Variants in PCDH9 observed in about 807,000 individuals in gnomAD.
The protein encoded by PCDH9 is protocadherin 9.
Under a neutral mutation model 70.6 loss-of-function variants are expected in PCDH9, and 24 were observed. The ratio of observed to expected loss-of-function variants is 0.34; its 90% CI spans 0.25 to 0.48. PCDH9 has a LOEUF of 0.48. Among genes scored for constraint, PCDH9 ranks in the 20% least tolerant of loss-of-function variants. The pLI, the probability that PCDH9 is intolerant of heterozygous loss-of-function variation, is 0.99. For missense variants in PCDH9, 1,281 were observed against 1,503.6 expected, an observed-to-expected ratio of 0.85 and a Z score of 2.45; for synonymous variants, 562 against 558.5, an observed-to-expected ratio of 1.01 and a Z score of -0.09.
At chr13:67,059,608 A>G (rs2085496926) in intron 2 of PCDH9, among the ~76,000 whole-genome samples, 1 of 151,478 alleles carries the variant, frequency 6.6e-6, no homozygotes, top group African/African-American at 2.4e-5. Context: ...CCAGGCACAT[A>G]CGGCTCAAGT....
At chr13:66,759,031 A>C (rs1372338594) in intron 3 of PCDH9, among the ~76,000 whole-genome samples, 1 of 151,868 alleles carries the variant, frequency 6.6e-6, no homozygotes, top group Non-Finnish European at 1.5e-5. Context: ...AGTGTAGTTA[A>C]AGATTTGTCA....
chr13:66,648,611 C>CA (rs1217118032), intron 3 of PCDH9, among the ~76,000 whole-genome samples: 1 of 152,102 alleles, frequency 6.6e-6, no homozygotes, highest in Non-Finnish European at 1.5e-5. Context: ...GATGGGTACA[C>CA]AAAAGCCCAG....
intron 3 of PCDH9, among the ~76,000 whole-genome samples, chr13:66,852,247 A>T (rs1331668542): frequency 1.3e-5 from 2 of 152,082 alleles, no homozygotes; most frequent in Non-Finnish European, 2.9e-5. Context: ...GACAGTGATG[A>T]TAATGATAAT....
At chr13:66,618,742 G>T (rs1031639881) in intron 4 of PCDH9, among the ~76,000 whole-genome samples, 3 of 151,964 alleles carry the variant, frequency 2.0e-5, no homozygotes, top group African/African-American at 7.3e-5. Flanking sequence ...TATAAACACG[G>T]ATATACAAAT....
intron 4 of PCDH9, among the ~76,000 whole-genome samples, chr13:66,442,817 T>C (rs2138405857): frequency 6.6e-6 from 1 of 152,290 alleles, no homozygotes; most frequent in Non-Finnish European, 1.5e-5. Context: ...CATCATAATA[T>C]TTTCTCCAGG....
intron 2 of PCDH9, among the ~76,000 whole-genome samples, chr13:66,905,414 G>C (rs938000554): frequency 6.6e-6 from 1 of 152,130 alleles, no homozygotes; most frequent in Admixed American, 6.6e-5. Flanking sequence ...CACCTGGGGA[G>C]ATTTTTAAAA....
intron 4 of PCDH9, among the ~76,000 whole-genome samples, chr13:66,394,792 T>A (rs1027811992): frequency 1.3e-5 from 2 of 152,140 alleles, no homozygotes; most frequent in African/African-American, 4.8e-5. Flanking sequence ...ACACAAGCTA[T>A]TTTTTAAAAT....
At chr13:66,570,762 A>G (rs185481759) in intron 4 of PCDH9, among the ~76,000 whole-genome samples, 1 of 152,280 alleles carries the variant, frequency 6.6e-6, no homozygotes, top group African/African-American at 2.4e-5. Flanking sequence ...GGTTGAAGAC[A>G]ACAGAATCCA....
intron 2 of PCDH9, among the ~76,000 whole-genome samples, chr13:67,072,854 C>T (rs1325452489): frequency 2.0e-5 from 3 of 152,110 alleles, no homozygotes; most frequent in East Asian, 1.9e-4. Flanking sequence ...ATATGTATTA[C>T]ATTAGAAATA....
chr13:66,456,881 T>G (rs1007815138), intron 4 of PCDH9, among the ~76,000 whole-genome samples: 1 of 152,136 alleles, frequency 6.6e-6, no homozygotes, highest in Non-Finnish European at 1.5e-5. Flanking sequence ...GCCATGGGCT[T>G]TGTTAAACCT....
At chr13:66,444,999 AT>A (rs1958043537) in intron 4 of PCDH9, among the ~76,000 whole-genome samples, 1 of 146,846 alleles carries the variant, frequency 6.8e-6, no homozygotes, top group East Asian at 2.0e-4. Flanking sequence ...ATATTAGCAT[AT>A]TAGAAAAATT....
At chr13:66,336,135 C>T (rs1415420344) in intron 4 of PCDH9, among the ~76,000 whole-genome samples, 2 of 152,078 alleles carry the variant, frequency 1.3e-5, no homozygotes, top group African/African-American at 4.8e-5. Context: ...GGAATCCACT[C>T]CCTATGCACA....
At chr13:66,364,064 A>G (rs1235046495) in intron 4 of PCDH9, among the ~76,000 whole-genome samples, 1 of 152,122 alleles carries the variant, frequency 6.6e-6, no homozygotes, top group East Asian at 1.9e-4. Context: ...CTGAGGCAGG[A>G]GAATCTCTTG....
At chr13:67,224,025 A>G (rs940932061) in intron 2 of PCDH9, 9 of 152,150 alleles carry the variant, frequency 5.9e-5, no homozygotes, top group South Asian at 2.1e-4. Context: ...AACTGTTTCA[A>G]TAAAACATCC....
chr13:66,786,853 T>A (rs1425327013), intron 3 of PCDH9, among the ~76,000 whole-genome samples: 2 of 151,888 alleles, frequency 1.3e-5, no homozygotes, highest in Non-Finnish European at 2.9e-5. Flanking sequence ...AGAAAGGAGA[T>A]AAAAAAATTC....
intron 3 of PCDH9, among the ~76,000 whole-genome samples, chr13:66,663,336 C>T (rs1398760057): frequency 1.3e-5 from 2 of 151,996 alleles, no homozygotes; most frequent in East Asian, 1.9e-4. Flanking sequence ...AGGATTCTTC[C>T]AAATATGAAG....
intron 3 of PCDH9, among the ~76,000 whole-genome samples, chr13:66,660,184 C>T (rs564999936): frequency 2.0e-5 from 3 of 152,268 alleles, no homozygotes; most frequent in Non-Finnish European, 2.9e-5. Flanking sequence ...GGTGAAATGC[C>T]GTGGAAATGT....
intron 4 of PCDH9, among the ~76,000 whole-genome samples, chr13:66,381,970 T>A (rs1956856594): frequency 6.6e-6 from 1 of 150,542 alleles, no homozygotes; most frequent in African/African-American, 2.4e-5. Context: ...TGTGTAAGAG[T>A]AGAATTATTG....
chr13:66,783,882 G>A (rs2080038397), intron 3 of PCDH9, among the ~76,000 whole-genome samples: 1 of 152,082 alleles, frequency 6.6e-6, no homozygotes, highest in African/African-American at 2.4e-5. Context: ...TCACATAATT[G>A]TTTCTTTTAA....
Sources: allele counts gnomAD v4.1 joint callset (sites outside exome capture counted in the v4.1 genomes callset), GRCh38; gene constraint gnomAD v4.1.1; transcripts MANE v1.5; gene names NCBI Gene and HGNC (gene_info 2026-07-23, HGNC 2026-07-21).